INVS: variants seen among roughly 807,000 people sequenced by gnomAD.
INVS encodes the protein inversion of embryo turning homolog.
In INVS, 86 loss-of-function variants were observed where a neutral mutation model predicts 108.8. The ratio of observed to expected loss-of-function variants is 0.79; its 90% confidence interval spans 0.66 to 0.95. The LOEUF is 0.95. Ranked by LOEUF, INVS falls within the 40% of genes least tolerant of loss-of-function variation. INVS has a pLI of 0.00. For synonymous variants in INVS, 455 were observed against 473.5 expected (o/e 0.96, Z 0.51); for missense variants, 1,169 against 1,297.4 (o/e 0.90, Z 1.52).
At chr9:100,246,503 G>A in intron 7 of INVS, 113 bp from the exon 8 acceptor site, 4 of 724,096 alleles carry the variant, frequency 5.5e-6, no homozygotes, top group South Asian at 1.8e-5. Context: ...TGATTCAAAA[G>A]CAAGGGGAAA....
At chr9:100,186,316 A>AT (rs796889914) in intron 3 of INVS, among the ~76,000 whole-genome samples, 50 of 151,624 alleles carry the variant, frequency 3.3e-4, no homozygotes, top group African/African-American at 1.1e-3. Context: ...CGCCTGGCTA[A>AT]TTTTTTTTGT....
chr9:100,243,396 A>T (rs1831941416), intron 7 of INVS, among the ~76,000 whole-genome samples: 1 of 152,226 alleles, frequency 6.6e-6, no homozygotes, highest in African/African-American at 2.4e-5. Context: ...TGTATACCTT[A>T]GCATAGAGCA....
At position 100,252,867 on chromosome 9, in the gene INVS, A is replaced by G. The variant is rs371841072; in HGVS notation, c.1235-40A>G. 16 of 1,397,630 alleles carry G rather than the reference A, an allele frequency of 1.1e-5. No individual in the cohort carries two copies. The East Asian group carries it at 1.9e-4, about 16-fold the overall frequency. 86.6% of individuals were successfully genotyped at this position (1,397,630 alleles called of 1,614,324 possible). A position where few individuals can be genotyped will look rare whatever the true frequency, so the allele number is the denominator to read the frequency against. ...ACTCCTACTCATTTTAATAAAAGCT[A>G]TTTATATTAGACATTCTCATTATAT... is the stretch of plus-strand genomic sequence containing the variant. On this transcript the variant is annotated intron_variant, in intron 9 of 16. Transcript: ENST00000262457.
At chr9:100,278,280 G>C (rs1490400065) in intron 12 of INVS, among the ~76,000 whole-genome samples, 1 of 149,748 alleles carries the variant, frequency 6.7e-6, no homozygotes, top group Non-Finnish European at 1.5e-5. Flanking sequence ...TGGTCTCTGA[G>C]ATCTCTTCTG....
rs1191893258 is a variant in INVS, at chr9:100,282,560, C to T, written c.1785-1760C>T. Among the ~76,000 whole-genome samples the T allele has an allele frequency of 2.0e-5, 3 of 152,178 alleles. No homozygotes were observed. The East Asian group carries it at 5.8e-4, about 29-fold the overall frequency. ...TAACCCAGATGTATGTCAGCTGGGG[C>T]TTTCCTGTCGCTTGAGATCTAAATA... On this transcript the variant is annotated intron_variant, in intron 12 of 16. Transcript: ENST00000262457.
At chr9:100,128,384 C>G (rs1270861728) in intron 3 of INVS, among the ~76,000 whole-genome samples, 1 of 152,090 alleles carries the variant, frequency 6.6e-6, no homozygotes, top group Non-Finnish European at 1.5e-5. Flanking sequence ...CTCTGTGTTG[C>G]TGTTTGTTTT....
intron 3 of INVS, among the ~76,000 whole-genome samples, chr9:100,222,205 A>T (rs1831173513): frequency 6.6e-6 from 1 of 152,206 alleles, no homozygotes; most frequent in Admixed American, 6.5e-5. Flanking sequence ...ACACACTGGA[A>T]AACTATTTAT....
intron 3 of INVS, among the ~76,000 whole-genome samples, chr9:100,146,560 T>C (rs1429208117): frequency 6.6e-6 from 1 of 152,194 alleles, no homozygotes; most frequent in South Asian, 2.1e-4. Context: ...GATAATGTTT[T>C]TGAGGTTCAT....
intron 2 of INVS, among the ~76,000 whole-genome samples, chr9:100,105,807 G>C (rs969408891): frequency 4.7e-5 from 6 of 128,272 alleles, no homozygotes; most frequent in Non-Finnish European, 9.7e-5. Context: ...ACTCAGCCTT[G>C]ATTCTATGTC....
At chr9:100,213,547 G>A (rs565772567) in intron 3 of INVS, among the ~76,000 whole-genome samples, 3 of 151,942 alleles carry the variant, frequency 2.0e-5, no homozygotes, top group South Asian at 2.1e-4. Flanking sequence ...AATTATTTGC[G>A]GAGTTTGAGA....
intron 5 of INVS, 29 bp from the exon 6 acceptor site, chr9:100,240,031 G>T (rs758008772): frequency 3.0e-5 from 48 of 1,586,288 alleles, no homozygotes; most frequent in Non-Finnish European, 3.4e-5. Context: ...TTCCATGTAT[G>T]TCTGAAGTCT....
chr9:100,143,669 A>G (rs1828505428), intron 3 of INVS, among the ~76,000 whole-genome samples: 1 of 152,090 alleles, frequency 6.6e-6, no homozygotes, highest in African/African-American at 2.4e-5. Flanking sequence ...TCGGCCTAAT[A>G]AGGGAACTGG....
chr9:100,252,794 T>C (rs935136546), intron 9 of INVS, 113 bp from the exon 10 acceptor site: 1 of 779,468 alleles, frequency 1.3e-6, no homozygotes, highest in African/African-American at 1.7e-5. Context: ...TTATTGTTTT[T>C]CTTCTATTCA....
rs575350671 is a variant in INVS, at chr9:100,193,180, A to G, written c.274-32882A>G. ...TTTTTTGTAGAGATGGGGTGTCGCT[A>G]TGTTGCCCAGGCTGGTCTTATACTG... On this transcript the variant is annotated intron_variant, in intron 3 of 16. Coordinates refer to ENST00000262457, the MANE Select transcript of INVS (RefSeq NM_014425.5). Among the ~76,000 whole-genome samples the G allele has an allele frequency of 2.8e-4, 43 of 152,048 alleles. No individual in the cohort carries two copies. The East Asian group carries it at 6.8e-3, about 24-fold the overall frequency.
Position 100,184,286 on chromosome 9 carries a change from T to C in INVS, c.274-41776T>C, listed in dbSNP as rs568845246. ...TTCTAATATGTTTAAAATGCCAGTG[T>C]TGGGAATGTTTCTAGCAGTGCTAAA... is the stretch of plus-strand genomic sequence containing the variant. On this transcript the variant is annotated intron_variant, in intron 3 of 16. Coordinates refer to ENST00000262457, the MANE Select transcript of INVS (RefSeq NM_014425.5). Among the ~76,000 whole-genome samples the C allele has an allele frequency of 3.3e-5, 5 of 152,286 alleles. No individual in the cohort carries two copies. In the East Asian group the frequency reaches 9.6e-4, roughly 29 times the overall value.
At chr9:100,120,263 C>T (rs188167250) in intron 2 of INVS, among the ~76,000 whole-genome samples, 10 of 152,222 alleles carry the variant, frequency 6.6e-5, no homozygotes, top group Non-Finnish European at 7.4e-5. Flanking sequence ...TACACAGATT[C>T]CTTATAAATT....
intron 3 of INVS, among the ~76,000 whole-genome samples, chr9:100,178,994 G>A (rs12380809): frequency 0.19 from 29,354 of 152,044 alleles, 4,521 homozygotes; most frequent in African/African-American, 0.43. Flanking sequence ...CAACATTCTT[G>A]AAGAAAAGAA....
chr9:100,271,889 G>A (rs1832967414), intron 11 of INVS, among the ~76,000 whole-genome samples: 1 of 149,574 alleles, frequency 6.7e-6, no homozygotes, highest in Non-Finnish European at 1.5e-5. Flanking sequence ...TTTTTTTGGA[G>A]ACGGTGTCTC....
chr9:100,205,719 C>T (rs1268181161), intron 3 of INVS, among the ~76,000 whole-genome samples: 1 of 151,424 alleles, frequency 6.6e-6, no homozygotes, highest in Non-Finnish European at 1.5e-5. Flanking sequence ...CTTTACAAAC[C>T]ACTCACATAT....
Sources: gnomAD v4.1 joint callset for allele counts (sites outside exome capture counted in the v4.1 genomes callset) on GRCh38, gnomAD v4.1.1 for gene constraint, MANE v1.5 for transcripts, NCBI Gene and HGNC (gene_info 2026-07-23, HGNC 2026-07-21) for gene names.